The following CCSER1 variants were observed in gnomAD, a reference collection of about 807,000 sequenced individuals.
CCSER1 encodes the protein coiled-coil serine rich protein 1.
Under a neutral mutation model 82.0 loss-of-function variants are expected in CCSER1, and 41 were observed. The observed-to-expected ratio is 0.50, with a 90% CI of 0.39 to 0.65. CCSER1 has a LOEUF of 0.65. Ranked by LOEUF, CCSER1 falls within the 30% of genes least tolerant of loss-of-function variation. The pLI is 0.00. For synonymous variants in CCSER1, 414 were observed against 383.9 expected, an observed-to-expected ratio of 1.08 and a Z score of -0.92; for missense variants, 1,119 against 1,064.2, an observed-to-expected ratio of 1.05 and a Z score of -0.72.
chr4:90,663,711 A>G (rs1731217902), intron 6 of CCSER1: 1 of 157,344 alleles, frequency 6.4e-6, no homozygotes, highest in African/African-American at 2.4e-5. Flanking sequence ...AGTGAAAAAT[A>G]AGTCAAATCT....
At chr4:90,208,670 A>C (rs1033701661) in intron 1 of CCSER1, among the ~76,000 whole-genome samples, 50 of 152,092 alleles carry the variant, frequency 3.3e-4, no homozygotes, top group African/African-American at 1.2e-3. Flanking sequence ...TGTGGGTTGC[A>C]AAGACTCTGG....
At chr4:91,557,604 A>G (rs1762464259) in intron 10 of CCSER1, among the ~76,000 whole-genome samples, 1 of 151,508 alleles carries the variant, frequency 6.6e-6, no homozygotes, top group South Asian at 2.1e-4. Flanking sequence ...TTGGTTAGGG[A>G]TATTAGAGAA....
chr4:90,252,131 AT>A (rs927038779), intron 1 of CCSER1, among the ~76,000 whole-genome samples: 9 of 151,768 alleles, frequency 5.9e-5, no homozygotes, highest in African/African-American at 1.9e-4. Flanking sequence ...TGGATTTCAG[AT>A]TTTTTTTAGA....
chr4:91,406,687 C>A (rs368517609), intron 10 of CCSER1, among the ~76,000 whole-genome samples: 1 of 152,088 alleles, frequency 6.6e-6, no homozygotes, highest in South Asian at 2.1e-4. Context: ...AAATAAAAGA[C>A]TTTCAATTTA....
At position 91,017,613 on chromosome 4, in the gene CCSER1, A is replaced by G. The variant is rs569159637; in HGVS notation, c.2173-68337A>G. Among the ~76,000 whole-genome samples, 5 of 152,230 alleles carry G rather than the reference A, an allele frequency of 3.3e-5. No individual in the cohort carries two copies. In the East Asian group the frequency reaches 9.6e-4, roughly 29 times the overall value. ...TCCAGGTTGCCTTACCTACAGGGCT[A>G]AATGATATTTCTTATTTCCAGGATG... On this transcript the variant is annotated intron_variant, in intron 9 of 10. Transcript: ENST00000509176.
At chr4:90,942,940 ATTAT>A (rs1731767360) in intron 9 of CCSER1, among the ~76,000 whole-genome samples, 1 of 144,508 alleles carries the variant, frequency 6.9e-6, no homozygotes, top group African/African-American at 2.6e-5. Context: ...TAATTTTTAA[ATTAT>A]TTTTCATATA....
chr4:90,954,377 T>C (rs1177687995), intron 9 of CCSER1, among the ~76,000 whole-genome samples: 1 of 148,326 alleles, frequency 6.7e-6, no homozygotes, highest in Non-Finnish European at 1.5e-5. Flanking sequence ...TTTTGCCAAT[T>C]AGTTAGCCAA....
chr4:91,173,463 A>G (rs959189886), intron 10 of CCSER1, among the ~76,000 whole-genome samples: 3 of 151,988 alleles, frequency 2.0e-5, no homozygotes, highest in Admixed American at 6.6e-5. Flanking sequence ...GCGTGGTGGC[A>G]TGCGCCTATA....
chr4:90,835,268 TTGC>T (rs1400479493), intron 8 of CCSER1, among the ~76,000 whole-genome samples: 1 of 152,108 alleles, frequency 6.6e-6, no homozygotes, highest in Non-Finnish European at 1.5e-5. Flanking sequence ...GAGGGGGAGC[TTGC>T]AGTGAGCCGA....
intron 10 of CCSER1, among the ~76,000 whole-genome samples, chr4:91,391,532 C>T (rs1283169139): frequency 2.6e-5 from 4 of 152,054 alleles, no homozygotes; most frequent in Non-Finnish European, 5.9e-5. Flanking sequence ...AATTCCTGGG[C>T]TCAAGTGATC....
At chr4:90,389,350 C>G (rs1750599655) in intron 3 of CCSER1, among the ~76,000 whole-genome samples, 1 of 152,142 alleles carries the variant, frequency 6.6e-6, no homozygotes, top group South Asian at 2.1e-4. Flanking sequence ...GGCTATATAG[C>G]AAGTAAATGT....
intron 10 of CCSER1, among the ~76,000 whole-genome samples, chr4:91,123,885 T>A (rs577579266): frequency 4.0e-5 from 6 of 151,846 alleles, no homozygotes; most frequent in Non-Finnish European, 8.9e-5. Flanking sequence ...AGTGTCATCC[T>A]AATTTAATTA....
intron 7 of CCSER1, among the ~76,000 whole-genome samples, chr4:90,739,327 T>C (rs1746159788): frequency 6.6e-6 from 1 of 152,188 alleles, no homozygotes; most frequent in Admixed American, 6.5e-5. Context: ...TTGTGGCTGT[T>C]CCAATACCCA....
chr4:90,734,274 C>A (rs1580211663), intron 7 of CCSER1, among the ~76,000 whole-genome samples: 1 of 152,002 alleles, frequency 6.6e-6, no homozygotes, highest in Non-Finnish European at 1.5e-5. Context: ...TACAGGCTCC[C>A]ACCACCACGC....
At chr4:90,240,894 G>A (rs1485656248) in intron 1 of CCSER1, among the ~76,000 whole-genome samples, 1 of 152,168 alleles carries the variant, frequency 6.6e-6, no homozygotes, top group Non-Finnish European at 1.5e-5. Flanking sequence ...GCTCTCTGCA[G>A]TGGGAATGAA....
At chr4:91,339,962 C>T (rs1471154543) in intron 10 of CCSER1, among the ~76,000 whole-genome samples, 4 of 151,830 alleles carry the variant, frequency 2.6e-5, no homozygotes, top group African/African-American at 9.7e-5. Flanking sequence ...ACTAAAAATA[C>T]AAAAATTAGC....
chr4:91,128,849 T>A (rs910033679), intron 10 of CCSER1, among the ~76,000 whole-genome samples: 2 of 152,064 alleles, frequency 1.3e-5, no homozygotes, highest in African/African-American at 4.8e-5. Context: ...TATTGTGAAT[T>A]TTCTCAGGTG....
chr4:91,384,116 C>T (rs578052492), intron 10 of CCSER1, among the ~76,000 whole-genome samples: 77 of 151,974 alleles, frequency 5.1e-4, no homozygotes, highest in Non-Finnish European at 9.9e-4. Flanking sequence ...GGATGTTTGC[C>T]CTAAATATTG....
chr4:90,844,157 T>G (rs945573245), intron 8 of CCSER1, among the ~76,000 whole-genome samples: 1 of 150,972 alleles, frequency 6.6e-6, no homozygotes, highest in Non-Finnish European at 1.5e-5. Flanking sequence ...GTTGTGTATA[T>G]ATAGATAGAT....
Sources: allele counts gnomAD v4.1 joint callset (sites outside exome capture counted in the v4.1 genomes callset), GRCh38; gene constraint gnomAD v4.1.1; transcripts MANE v1.5; gene names NCBI Gene and HGNC (gene_info 2026-07-23, HGNC 2026-07-21).